Variants in CTIF observed in about 807,000 individuals in gnomAD.
CTIF encodes the protein cap binding complex dependent translation initiation factor.
A neutral mutation model predicts 66.0 loss-of-function variants in CTIF; 21 were observed. That is an observed-to-expected ratio of 0.32 (90% confidence interval 0.23 to 0.46). The LOEUF (loss-of-function observed/expected upper bound fraction) is 0.46. Ranked by LOEUF, CTIF falls within the 20% of genes least tolerant of loss-of-function variation. CTIF has a pLI of 1.00. For missense variants in CTIF, 739 were observed against 812.7 expected, an observed-to-expected ratio of 0.91 and a Z score of 1.10; for synonymous variants, 345 against 326.4, an observed-to-expected ratio of 1.06 and a Z score of -0.62.
At chr18:48,784,075 G>A (rs1911493446) in intron 9 of CTIF, among the ~76,000 whole-genome samples, 1 of 152,216 alleles carries the variant, frequency 6.6e-6, no homozygotes, top group Non-Finnish European at 1.5e-5. Context: ...CGAGATGGTG[G>A]AAAAATGGAA....
chr18:48,614,219 A>G (rs1471150382), intron 1 of CTIF, among the ~76,000 whole-genome samples: 1 of 152,064 alleles, frequency 6.6e-6, no homozygotes, highest in Non-Finnish European at 1.5e-5. Flanking sequence ...TGAAACCCCC[A>G]AAGCTCAGGC....
At chr18:48,547,260 C>T (rs916314984) in intron 1 of CTIF, among the ~76,000 whole-genome samples, 11 of 152,160 alleles carry the variant, frequency 7.2e-5, no homozygotes, top group East Asian at 1.9e-4. Flanking sequence ...AGATGAGCCC[C>T]GTCTAGGAAG....
At position 48,758,245 on chromosome 18, in the gene CTIF, C is replaced by A; in HGVS notation, c.911C>A (p.Ala304Asp). ...GCCCCCCGCAGCCCTGACACCCTGG[C>A]CCCGGTGGCTTCTGAGCGGCTGCCC... Reference protein sequence around the residue: ...LEAPRSPDTLAPVASERLPPQ... With the variant: ...LEAPRSPDTLDPVASERLPPQ... The change falls in exon 8 of 12, where the codon GCC becomes GAC. Residue 304 changes from alanine (A) to aspartate (D), a missense_variant. Coordinates refer to ENST00000256413, the MANE Select transcript of CTIF (RefSeq NM_014772.3). 6.2e-7 allele frequency: 1 copy of A among 1,613,214 alleles called. No individual in the cohort carries two copies. The highest frequency in any genetic ancestry group is 1.1e-5 in the South Asian group (1 of 91,030).
At chr18:48,543,332 AAC>A (rs1438827156) in intron 1 of CTIF, among the ~76,000 whole-genome samples, 2 of 152,148 alleles carry the variant, frequency 1.3e-5, no homozygotes, top group Non-Finnish European at 2.9e-5. Context: ...CTTACCTGAT[AAC>A]ACAGCCCCAT....
chr18:48,742,141 G>A (rs2092559970), intron 7 of CTIF, among the ~76,000 whole-genome samples: 1 of 152,218 alleles, frequency 6.6e-6, no homozygotes, highest in East Asian at 1.9e-4. Context: ...AAAGGTCCTG[G>A]GACAGACAGG....
chr18:48,789,582 C>A (rs1288200223), intron 9 of CTIF, among the ~76,000 whole-genome samples: 3 of 136,298 alleles, frequency 2.2e-5, no homozygotes, highest in African/African-American at 8.2e-5. Flanking sequence ...AGATCAGTGA[C>A]ATACCATATT....
At chr18:48,664,650 AGGTG>A in intron 5 of CTIF, 99 bp downstream of exon 5, 3 of 1,014,332 alleles carry the variant, frequency 3.0e-6, no homozygotes, top group Non-Finnish European at 4.5e-6. Context: ...CAGGGGACTC[AGGTG>A]GCTGATGCCC....
chr18:48,711,536 TG>T, intron 6 of CTIF, 82 bp from the exon 7 acceptor site: 2 of 1,018,562 alleles, frequency 2.0e-6, no homozygotes, highest in Non-Finnish European at 3.0e-6. Context: ...TCTTAGATGC[TG>T]GTGTACTTAG....
At chr18:48,573,130 C>A (rs73956923) in intron 1 of CTIF, among the ~76,000 whole-genome samples, 2 of 152,138 alleles carry the variant, frequency 1.3e-5, no homozygotes, top group African/African-American at 2.4e-5. Context: ...AGAGCCCTTG[C>A]GTCTGGATCA....
intron 1 of CTIF, among the ~76,000 whole-genome samples, chr18:48,591,366 C>A (rs953898918): frequency 1.3e-5 from 2 of 152,218 alleles, no homozygotes; most frequent in African/African-American, 4.8e-5. Context: ...TGGCCTGGAG[C>A]TCTGAGCAGG....
intron 1 of CTIF, among the ~76,000 whole-genome samples, chr18:48,586,696 C>T (rs1599190842): frequency 6.6e-6 from 1 of 152,310 alleles, no homozygotes; most frequent in East Asian, 1.9e-4. Context: ...GCTTTTTATG[C>T]TCTGCTCATT....
At chr18:48,664,315 G>T in intron 4 of CTIF, 132 bp from the exon 5 acceptor site, 1 of 756,410 alleles carries the variant, frequency 1.3e-6, no homozygotes, top group Non-Finnish European at 2.3e-6. Flanking sequence ...TTCTGAGTGG[G>T]GCTCCCCGCC....
intron 6 of CTIF, among the ~76,000 whole-genome samples, chr18:48,702,341 A>G (rs773325682): frequency 1.3e-5 from 2 of 152,224 alleles, no homozygotes; most frequent in African/African-American, 4.8e-5. Flanking sequence ...GGTGCATGTC[A>G]TAGGCTCTCA....
intron 2 of CTIF, among the ~76,000 whole-genome samples, chr18:48,620,809 C>T (rs541657166): frequency 1.0e-3 from 158 of 152,292 alleles, no homozygotes; most frequent in Non-Finnish European, 1.9e-3. Flanking sequence ...CTGAGTCCAA[C>T]CACCTGGCTC....
At chr18:48,848,832 T>G (rs933211904) in intron 10 of CTIF, among the ~76,000 whole-genome samples, 1 of 152,238 alleles carries the variant, frequency 6.6e-6, no homozygotes, top group East Asian at 1.9e-4. Flanking sequence ...CCTTGGTTTC[T>G]CCCTGAGGGA....
intron 6 of CTIF, among the ~76,000 whole-genome samples, chr18:48,679,681 C>T (rs2091705499): frequency 6.6e-6 from 1 of 152,210 alleles, no homozygotes; most frequent in Non-Finnish European, 1.5e-5. Flanking sequence ...TGGCCCTGTT[C>T]CAATTTCACC....
At chr18:48,586,460 A>G (rs1474205993) in intron 1 of CTIF, among the ~76,000 whole-genome samples, 1 of 151,730 alleles carries the variant, frequency 6.6e-6, no homozygotes, top group Non-Finnish European at 1.5e-5. Flanking sequence ...TAGTAGAGAC[A>G]GGATTTCACC....
At chr18:48,720,646 C>T (rs1435221260) in intron 7 of CTIF, among the ~76,000 whole-genome samples, 1 of 152,166 alleles carries the variant, frequency 6.6e-6, no homozygotes, top group Non-Finnish European at 1.5e-5. Context: ...CGCCCACCCC[C>T]AAGCAGGCTC....
chr18:48,612,972 C>A (rs1288714591), intron 1 of CTIF, among the ~76,000 whole-genome samples: 1 of 152,006 alleles, frequency 6.6e-6, no homozygotes, highest in Non-Finnish European at 1.5e-5. Context: ...GAGGAAAGAG[C>A]CTGAAGAAGT....
Sources: gnomAD v4.1 joint callset for allele counts (sites outside exome capture counted in the v4.1 genomes callset) on GRCh38, gnomAD v4.1.1 for gene constraint, MANE v1.5 for transcripts, NCBI Gene and HGNC (gene_info 2026-07-23, HGNC 2026-07-21) for gene names.